Variants in RAD17 observed in about 807,000 individuals in gnomAD.
RAD17 encodes the protein cell cycle checkpoint protein RAD17.
RAD17 carries 31 observed loss-of-function variants against 81.5 expected under a neutral mutation model. The observed-to-expected ratio is 0.38, with a 90% CI of 0.29 to 0.51. RAD17 has a LOEUF of 0.51. RAD17 is among the 20% of genes least tolerant of loss of function. The probability of loss-of-function intolerance (pLI) is 0.88; values close to 1 mark genes in which losing one functional copy is unlikely to be tolerated. For synonymous variants in RAD17, 261 were observed against 266.2 expected (o/e 0.98, Z 0.19); for missense variants, 681 against 781.2 (o/e 0.87, Z 1.53).
rs1766252549 is a variant in RAD17, at chr5:69,414,442, TC to T, written c.*151del. 1 of 866,054 alleles carries T rather than the reference TC, an allele frequency of 1.2e-6. No homozygotes were observed. Among genetic ancestry groups the T allele is most frequent in the African/African-American group, 1.7e-5 (1 of 58,590 alleles). The allele number at this position is 866,054 out of a possible 1,614,324, so 53.6% of individuals were successfully genotyped here. ...TAGTATTTCATCACAAGAAACCTACTCTTCTGTCATCTTGAAGTAAATAGAA... is the reference window on the plus strand; with the variant it reads ...TAGTATTTCATCACAAGAAACCTACTTTCTGTCATCTTGAAGTAAATAGAA... On this transcript the variant is annotated 3_prime_UTR_variant, in exon 19 of 19. Coordinates refer to ENST00000354868, the MANE Select transcript of RAD17 (RefSeq NM_133338.3).
rs1762997727 is a variant in RAD17 at position 69,371,521 on chromosome 5, A to C, written c.-212A>C. On this transcript the variant is annotated 5_prime_UTR_variant, in exon 3 of 19. Transcript: ENST00000354868. ...GGGAACTATTACAGTTTATAATGTC[A>C]AAAACTTTTCTTAGACCAAAGGTAT... 6.8e-7 allele frequency: 1 copy of C among 1,460,340 alleles called. No homozygotes were observed. The highest frequency in any genetic ancestry group is 2.5e-5 in the East Asian group (1 of 40,476). The allele number at this position is 1,460,340 out of a possible 1,614,324, so 90.5% of individuals were successfully genotyped here.
intron 2 of RAD17, 113 bp from the exon 3 acceptor site, chr5:69,371,341 C>G (rs1762970518): frequency 2.1e-6 from 1 of 486,952 alleles, no homozygotes; most frequent in Non-Finnish European, 3.7e-6. Context: ...TTCTTTTTCA[C>G]TAGTTCTTGA....
chr5:69,409,882 A>G (rs757700912), intron 17 of RAD17, among the ~76,000 whole-genome samples: 4 of 152,164 alleles, frequency 2.6e-5, no homozygotes, highest in Non-Finnish European at 5.9e-5. Context: ...GTCTCTATGA[A>G]TTTATGACTC....
intron 16 of RAD17, among the ~76,000 whole-genome samples, chr5:69,397,132 A>G (rs1054118663): frequency 2.0e-5 from 3 of 150,542 alleles, no homozygotes; most frequent in Non-Finnish European, 3.0e-5. Context: ...ATGCTCGGCC[A>G]TATTTTATTT....
In RAD17 at chr5:69,369,855, C is replaced by A; in HGVS notation, c.-495C>A. 1 of 741,612 alleles carries A rather than the reference C, an allele frequency of 1.3e-6. No individual in the cohort carries two copies. The highest frequency in any genetic ancestry group is 3.2e-4 in the Middle Eastern group (1 of 3,090). The allele number at this position is 741,612 out of a possible 1,614,324, so 45.9% of individuals were successfully genotyped here. On this transcript the variant is annotated 5_prime_UTR_variant, in exon 1 of 19. Coordinates refer to ENST00000354868, the MANE Select transcript of RAD17 (RefSeq NM_133338.3). ...GGCTCGGCGTTGAGCCCGGGTAGGG[C>A]CAGGTGGCTGCCCTTTCACCTAGGG...
At chr5:69,380,941 A>AT (rs947886192) in intron 6 of RAD17, among the ~76,000 whole-genome samples, 1 of 150,724 alleles carries the variant, frequency 6.6e-6, no homozygotes, top group South Asian at 2.1e-4. Context: ...AATTTTTTGT[A>AT]TTTTTTTTGT....
intron 6 of RAD17, among the ~76,000 whole-genome samples, chr5:69,379,520 A>G (rs1355093224): frequency 4.8e-4 from 73 of 152,160 alleles, no homozygotes; most frequent in Non-Finnish European, 4.4e-5. Flanking sequence ...GACTTTATGT[A>G]GCTTTTTTAC....
chr5:69,375,105 TACCA>T (rs1392327564), intron 6 of RAD17, among the ~76,000 whole-genome samples: 3 of 152,200 alleles, frequency 2.0e-5, no homozygotes, highest in Middle Eastern at 6.8e-3. Flanking sequence ...AACAGAGCAA[TACCA>T]AAAACCGTAA....
At chr5:69,399,658 A>C (rs1765128934) in intron 16 of RAD17, among the ~76,000 whole-genome samples, 1 of 148,990 alleles carries the variant, frequency 6.7e-6, no homozygotes, top group African/African-American at 2.5e-5. Context: ...GAAGGCAGGG[A>C]TTGTGCTTTT....
At chr5:69,392,114 C>A in intron 13 of RAD17, 101 bp downstream of exon 13, 1 of 1,047,932 alleles carries the variant, frequency 9.5e-7, no homozygotes, top group Non-Finnish European at 1.3e-6. Flanking sequence ...TTTGGTTCTG[C>A]TCTAAGAGTT....
chr5:69,398,868 TA>T (rs72281552), intron 16 of RAD17, among the ~76,000 whole-genome samples: 1 of 109,868 alleles, frequency 9.1e-6, no homozygotes, highest in Non-Finnish European at 1.8e-5. Context: ...ATCTCCTGGT[TA>T]AAAAAAAAAA....
intron 12 of RAD17, 89 bp downstream of exon 12, chr5:69,389,234 A>G (rs1764398060): frequency 3.9e-6 from 3 of 774,266 alleles, no homozygotes; most frequent in Admixed American, 3.1e-5. Context: ...TTTAACTTAC[A>G]TTTGGTCTAT....
chr5:69,375,751 C>T (rs1267361734), intron 6 of RAD17, among the ~76,000 whole-genome samples: 1 of 152,020 alleles, frequency 6.6e-6, no homozygotes, highest in Non-Finnish European at 1.5e-5. Context: ...CTGCATTTGT[C>T]CCCAAAATGT....
chr5:69,390,304 A>G (rs1312606973), intron 12 of RAD17, among the ~76,000 whole-genome samples: 1 of 152,086 alleles, frequency 6.6e-6, no homozygotes, highest in African/African-American at 2.4e-5. Context: ...TCTGCTGTTC[A>G]AGGTAGCTTT....
chr5:69,369,832 C>T lies in RAD17; in HGVS notation c.-518C>T, dbSNP rs556309542. 125 of 956,708 alleles carry T rather than the reference C, an allele frequency of 1.3e-4. No individual in the cohort carries two copies. Among genetic ancestry groups the T allele is most frequent in the African/African-American group, 4.0e-4 (24 of 60,010 alleles). The allele number at this position is 956,708 out of a possible 1,614,324, so 59.3% of individuals were successfully genotyped here. ...CCCGGGAGGCCGTACCTCCGAGAGG[C>T]TCGGCGTTGAGCCCGGGTAGGGCCA... On this transcript the variant is annotated 5_prime_UTR_variant, in exon 1 of 19. Transcript: ENST00000354868.
intron 8 of RAD17, among the ~76,000 whole-genome samples, 175 bp downstream of exon 8, chr5:69,385,108 C>T (rs568440834): frequency 1.1e-3 from 169 of 151,524 alleles, no homozygotes; most frequent in Non-Finnish European, 2.0e-3. Context: ...TACAGGCGCC[C>T]GCCACCACGC....
chr5:69,405,405 G>A (rs1161656922), intron 17 of RAD17, among the ~76,000 whole-genome samples: 1 of 151,824 alleles, frequency 6.6e-6, no homozygotes, highest in Non-Finnish European at 1.5e-5. Context: ...GGTGGCTCAC[G>A]CTTGTAATCC....
intron 6 of RAD17, among the ~76,000 whole-genome samples, chr5:69,377,435 G>GTATATATATATATATATATA (rs1763410616): frequency 8.7e-5 from 2 of 23,060 alleles, no homozygotes; most frequent in Non-Finnish European, 1.5e-4. Context: ...GTGTGTGTGT[G>GTATATATATATATATATATA]TGTGTATATA....
At chr5:69,389,889 G>C (rs1293442722) in intron 12 of RAD17, among the ~76,000 whole-genome samples, 1 of 152,158 alleles carries the variant, frequency 6.6e-6, no homozygotes, top group East Asian at 1.9e-4. Context: ...GCCCGCCTCG[G>C]CCTCCCAAAG....
Sources: gnomAD v4.1 joint callset for allele counts (sites outside exome capture counted in the v4.1 genomes callset) on GRCh38, gnomAD v4.1.1 for gene constraint, MANE v1.5 for transcripts, NCBI Gene and HGNC (gene_info 2026-07-23, HGNC 2026-07-21) for gene names.